The following GPC6 variants were observed in gnomAD, a reference collection of about 807,000 sequenced individuals.
GPC6 encodes the protein glypican 6.
GPC6 carries 14 observed loss-of-function variants against 55.2 expected under a neutral mutation model. The ratio of observed to expected loss-of-function variants is 0.25; its 90% CI spans 0.17 to 0.40. GPC6 has a LOEUF of 0.40. GPC6 is among the 10% of genes least tolerant of loss of function. GPC6 has a pLI of 1.00. For synonymous variants in GPC6, 278 were observed against 259.6 expected (o/e 1.07, Z -0.68); for missense variants, 641 against 708.5 (o/e 0.90, Z 1.08).
intron 1 of GPC6, among the ~76,000 whole-genome samples, chr13:93,452,437 CAATTGTCATCT>C (rs1398065938): frequency 1.9e-4 from 29 of 152,176 alleles, no homozygotes; most frequent in Non-Finnish European, 3.8e-4. Flanking sequence ...ACACTTGAGT[CAATTGTCATCT>C]GTTTTAAAAT....
At chr13:93,510,276 T>C (rs1880903863) in intron 1 of GPC6, among the ~76,000 whole-genome samples, 1 of 152,120 alleles carries the variant, frequency 6.6e-6, no homozygotes, top group Admixed American at 6.5e-5. Context: ...TCTAACTATA[T>C]GTTTGTATCC....
At chr13:93,792,622 G>T (rs1886079739) in intron 2 of GPC6, among the ~76,000 whole-genome samples, 2 of 152,126 alleles carry the variant, frequency 1.3e-5, no homozygotes, top group Admixed American at 1.3e-4. Context: ...AGGTCTATAG[G>T]ATTTTAATTG....
At chr13:93,708,144 A>G (rs1882920512) in intron 2 of GPC6, among the ~76,000 whole-genome samples, 1 of 151,830 alleles carries the variant, frequency 6.6e-6, no homozygotes, top group Non-Finnish European at 1.5e-5. Context: ...ATTTCATGAC[A>G]AGTCTAATTA....
rs555140606 is a variant in GPC6, at chr13:94,029,498, C to T, written c.877+1604C>T. Among the ~76,000 whole-genome samples the T allele has an allele frequency of 1.6e-4, 25 of 152,210 alleles. 1 individual carries two copies. Among genetic ancestry groups the T allele is most frequent in the Admixed American group, 5.2e-4 (8 of 15,272 alleles). On this transcript the variant is annotated intron_variant, in intron 4 of 8. Coordinates refer to ENST00000377047, the MANE Select transcript of GPC6 (RefSeq NM_005708.5). ...TGGATTTTTTAGCAAAGACAGAATACCCAACTAATGCTGATAAAAAGGTAC... is the reference window on the plus strand; with the variant it reads ...TGGATTTTTTAGCAAAGACAGAATATCCAACTAATGCTGATAAAAAGGTAC...
intron 1 of GPC6, among the ~76,000 whole-genome samples, chr13:93,429,617 T>C (rs1177246066): frequency 6.6e-6 from 1 of 152,146 alleles, no homozygotes; most frequent in Non-Finnish European, 1.5e-5. Flanking sequence ...ATCATGATAG[T>C]AGCCCCTAGG....
intron 1 of GPC6, among the ~76,000 whole-genome samples, chr13:93,234,634 A>G (rs933527558): frequency 5.9e-5 from 9 of 151,914 alleles, no homozygotes; most frequent in African/African-American, 2.2e-4. Flanking sequence ...AGCATCTACT[A>G]TGTGACTGAC....
intron 3 of GPC6, among the ~76,000 whole-genome samples, chr13:93,956,582 T>C (rs1879516891): frequency 6.6e-6 from 1 of 152,192 alleles, no homozygotes; most frequent in Non-Finnish European, 1.5e-5. Flanking sequence ...TCTTTCCACT[T>C]TCGCCCCAAT....
intron 3 of GPC6, among the ~76,000 whole-genome samples, chr13:93,898,157 G>T (rs1319620552): frequency 6.6e-6 from 1 of 152,038 alleles, no homozygotes; most frequent in Non-Finnish European, 1.5e-5. Context: ...TGGCTTATTG[G>T]ATCATATGGT....
chr13:93,930,113 A>G (rs1259150303), intron 3 of GPC6, among the ~76,000 whole-genome samples: 2 of 152,030 alleles, frequency 1.3e-5, no homozygotes, highest in East Asian at 3.9e-4. Flanking sequence ...ATTCTATTCT[A>G]ATTCATTTGG....
intron 4 of GPC6, among the ~76,000 whole-genome samples, chr13:94,252,723 C>A (rs1261447666): frequency 1.3e-5 from 2 of 151,980 alleles, no homozygotes; most frequent in East Asian, 3.9e-4. Flanking sequence ...TTTAAAAATG[C>A]AGACTTTCTT....
intron 2 of GPC6, among the ~76,000 whole-genome samples, chr13:93,669,191 C>T (rs1007517331): frequency 6.6e-6 from 1 of 151,758 alleles, no homozygotes; most frequent in Non-Finnish European, 1.5e-5. Context: ...ATAACAGGAC[C>T]ATTTTTTTCA....
At chr13:94,081,620 A>C (rs1017931223) in intron 4 of GPC6, among the ~76,000 whole-genome samples, 10 of 152,178 alleles carry the variant, frequency 6.6e-5, no homozygotes, top group African/African-American at 2.4e-4. Flanking sequence ...AAAGCACTCC[A>C]TATGTAGGCA....
chr13:93,889,512 G>T (rs1006722379), intron 3 of GPC6, among the ~76,000 whole-genome samples: 4 of 152,030 alleles, frequency 2.6e-5, no homozygotes, highest in African/African-American at 7.2e-5. Flanking sequence ...ATCAAAGGAA[G>T]AAAAAACCCT....
intron 4 of GPC6, among the ~76,000 whole-genome samples, chr13:94,063,364 G>A (rs773151074): frequency 3.9e-5 from 6 of 152,208 alleles, no homozygotes; most frequent in Non-Finnish European, 8.8e-5. Context: ...TGCTGCAAGG[G>A]AGGGCTGTTA....
At chr13:93,650,709 T>A (rs1453857764) in intron 2 of GPC6, among the ~76,000 whole-genome samples, 1 of 152,192 alleles carries the variant, frequency 6.6e-6, no homozygotes, top group Non-Finnish European at 1.5e-5. Context: ...AAGCTTATTG[T>A]TTTAACATTC....
intron 1 of GPC6, among the ~76,000 whole-genome samples, chr13:93,517,491 TG>T (rs1412063355): frequency 6.6e-6 from 1 of 152,140 alleles, no homozygotes; most frequent in Non-Finnish European, 1.5e-5. Context: ...GTTTGTTATT[TG>T]TTTGAAATTA....
intron 1 of GPC6, among the ~76,000 whole-genome samples, chr13:93,506,450 G>A (rs775682404): frequency 1.2e-4 from 18 of 152,222 alleles, no homozygotes; most frequent in East Asian, 3.9e-4. Flanking sequence ...TAGCATGTCC[G>A]GAAGTCAAAA....
chr13:93,766,770 C>T (rs4597178), intron 2 of GPC6, among the ~76,000 whole-genome samples: 101,000 of 151,826 alleles, frequency 0.67, 34,578 homozygotes, highest in African/African-American at 0.81. Context: ...GAAACAGTCC[C>T]GTAAAATAGT....
At chr13:93,469,568 A>C (rs759310398) in intron 1 of GPC6, among the ~76,000 whole-genome samples, 2 of 152,174 alleles carry the variant, frequency 1.3e-5, no homozygotes, top group African/African-American at 2.4e-5. Flanking sequence ...AGGAATATGA[A>C]TGAAACGACC....
Sources: allele counts gnomAD v4.1 joint callset (sites outside exome capture counted in the v4.1 genomes callset), GRCh38; gene constraint gnomAD v4.1.1; transcripts MANE v1.5; gene names NCBI Gene and HGNC (gene_info 2026-07-23, HGNC 2026-07-21).